The following WDPCP variants were observed in gnomAD, a reference collection of about 807,000 sequenced individuals.
WDPCP encodes WD repeat-containing and planar cell polarity effector protein fritz homolog.
A neutral mutation model predicts 93.1 loss-of-function variants in WDPCP; 71 were observed. That is an observed-to-expected ratio of 0.76 (90% confidence interval 0.63 to 0.93). The LOEUF is 0.93. WDPCP is among the 40% of genes least tolerant of loss of function. The probability of loss-of-function intolerance (pLI) is 0.00; values close to 1 mark genes in which losing one functional copy is unlikely to be tolerated. For missense variants in WDPCP, 844 were observed against 887.4 expected, an observed-to-expected ratio of 0.95 and a Z score of 0.62; for synonymous variants, 315 against 315.0, an observed-to-expected ratio of 1.00 and a Z score of 0.00.
intron 3 of WDPCP, among the ~76,000 whole-genome samples, chr2:63,602,118 C>T (rs1007954881): frequency 1.3e-5 from 2 of 152,112 alleles, no homozygotes; most frequent in African/African-American, 4.8e-5. Context: ...GGGATTAGAT[C>T]GGTCAAAAGT....
intron 14 of WDPCP, among the ~76,000 whole-genome samples, chr2:63,179,179 G>C (rs1310496878): frequency 6.9e-6 from 1 of 145,472 alleles, no homozygotes; most frequent in Non-Finnish European, 1.5e-5. Flanking sequence ...CAGCCTGGGT[G>C]ACAGAGTGAG....
At chr2:63,374,355 C>T (rs986654985) in intron 12 of WDPCP, among the ~76,000 whole-genome samples, 10 of 152,110 alleles carry the variant, frequency 6.6e-5, no homozygotes, top group Admixed American at 2.6e-4. Flanking sequence ...ACTTTACTGC[C>T]AGCTCAACCA....
intron 9 of WDPCP, among the ~76,000 whole-genome samples, chr2:63,421,279 C>T (rs966683375): frequency 6.6e-6 from 1 of 152,124 alleles, no homozygotes. Flanking sequence ...TAAGCATTTT[C>T]TTATGCATAC....
chr2:63,335,720 G>A (rs557499236), intron 12 of WDPCP, among the ~76,000 whole-genome samples: 29 of 152,216 alleles, frequency 1.9e-4, no homozygotes, highest in African/African-American at 3.9e-4. Flanking sequence ...CACGTGAACC[G>A]GAGCAACTCC....
intron 1 of WDPCP, among the ~76,000 whole-genome samples, chr2:63,525,309 T>C (rs1259806659): frequency 1.3e-5 from 2 of 152,160 alleles, no homozygotes; most frequent in Non-Finnish European, 2.9e-5. Flanking sequence ...ACTTATTTCC[T>C]GGGTGACAAA....
intron 15 of WDPCP, among the ~76,000 whole-genome samples, chr2:63,171,688 T>C (rs1020007300): frequency 3.3e-5 from 5 of 152,194 alleles, no homozygotes; most frequent in African/African-American, 1.2e-4. Flanking sequence ...AATTCCTAGA[T>C]ATCTGCCCAA....
At chr2:63,595,339 C>A in intron 3 of WDPCP, 1 of 854,002 alleles carries the variant, frequency 1.2e-6, no homozygotes, top group Non-Finnish European at 2.0e-6. Flanking sequence ...CATGTACATA[C>A]CAAATAAAAA....
rs531724798 is a variant in WDPCP at position 63,670,795 on chromosome 2, A to G, written n.309-19957T>C. 2.0e-5 allele frequency among the ~76,000 whole-genome samples: 3 copies of G among 152,278 alleles called. No homozygotes were observed. The East Asian group carries it at 5.8e-4, about 29-fold the overall frequency. ...ATCACACTCACCTTCAGACCAAGTT[A>G]ACATCGTAAATAACAAGGGTAGCAA... On this transcript the variant is annotated intron_variant and non_coding_transcript_variant, in intron 2 of 4. Transcript: ENST00000467687.
At chr2:63,712,998 A>G (rs113241609) in intron 2 of WDPCP, among the ~76,000 whole-genome samples, 2,552 of 152,246 alleles carry the variant, frequency 0.017, 23 homozygotes, top group African/African-American at 0.018. Context: ...AGGGTTCTCT[A>G]AGGATTCATT....
chr2:63,674,376 C>T (rs1435836385), intron 2 of WDPCP, among the ~76,000 whole-genome samples: 2 of 152,082 alleles, frequency 1.3e-5, no homozygotes, highest in Non-Finnish European at 2.9e-5. Flanking sequence ...AGGGTCAAAA[C>T]ATTCCTGAAA....
At chr2:63,362,164 T>A (rs1690513365) in intron 12 of WDPCP, among the ~76,000 whole-genome samples, 2 of 152,110 alleles carry the variant, frequency 1.3e-5, no homozygotes, top group Non-Finnish European at 2.9e-5. Context: ...ATAACAGAAC[T>A]TATTTTTTCC....
intron 10 of WDPCP, among the ~76,000 whole-genome samples, chr2:63,400,690 C>T (rs1239862496): frequency 6.6e-6 from 1 of 152,124 alleles, no homozygotes; most frequent in Non-Finnish European, 1.5e-5. Flanking sequence ...CCAAGACAAT[C>T]CTAAGCCAAA....
chr2:63,316,354 T>C (rs1686638526), intron 12 of WDPCP, among the ~76,000 whole-genome samples: 2 of 152,116 alleles, frequency 1.3e-5, no homozygotes, highest in African/African-American at 4.8e-5. Flanking sequence ...GTAATGGAAA[T>C]GCAGAACTAA....
chr2:63,403,125 A>G (rs1694278091), intron 10 of WDPCP, among the ~76,000 whole-genome samples: 2 of 152,184 alleles, frequency 1.3e-5, no homozygotes, highest in African/African-American at 2.4e-5. Context: ...TTTTGCAGGA[A>G]CTTGGACGGA....
chr2:63,785,422 T>C (rs151157362), intron 2 of WDPCP, among the ~76,000 whole-genome samples: 1,868 of 152,278 alleles, frequency 0.012, 17 homozygotes, highest in Non-Finnish European at 0.015. Flanking sequence ...TTTTAGTCAC[T>C]ACTTTGAAAG....
chr2:63,448,088 T>C (rs1358156087), intron 6 of WDPCP, among the ~76,000 whole-genome samples: 1 of 152,146 alleles, frequency 6.6e-6, no homozygotes, highest in African/African-American at 2.4e-5. Flanking sequence ...CACTTTTTAA[T>C]CTCTTACCTT....
chr2:63,420,046 G>C (rs1204109808), intron 9 of WDPCP, among the ~76,000 whole-genome samples: 1 of 152,038 alleles, frequency 6.6e-6, no homozygotes, highest in African/African-American at 2.4e-5. Context: ...AGAAACAGGA[G>C]ATAAAAGGTA....
At chr2:63,818,332 G>A (rs1670969469) in intron 1 of WDPCP, among the ~76,000 whole-genome samples, 1 of 152,164 alleles carries the variant, frequency 6.6e-6, no homozygotes. Context: ...GCCAGAAAGG[G>A]CTTTCCGTTG....
At chr2:63,400,052 T>C (rs1285485882) in intron 10 of WDPCP, among the ~76,000 whole-genome samples, 4 of 143,650 alleles carry the variant, frequency 2.8e-5, no homozygotes, top group African/African-American at 1.0e-4. Flanking sequence ...CCAAATTCCA[T>C]AAAGGGTTTT....
Sources: allele counts gnomAD v4.1 joint callset (sites outside exome capture counted in the v4.1 genomes callset), GRCh38; gene constraint gnomAD v4.1.1; transcripts MANE v1.5; gene names NCBI Gene and HGNC (gene_info 2026-07-23, HGNC 2026-07-21).